The following MAPK10 variants were observed in gnomAD, a reference collection of about 807,000 sequenced individuals.
The protein encoded by MAPK10 is JNK3 alpha protein kinase.
A neutral mutation model predicts 59.3 loss-of-function variants in MAPK10; 25 were observed. The ratio of observed to expected loss-of-function variants is 0.42; its 90% confidence interval spans 0.31 to 0.59. The LOEUF (loss-of-function observed/expected upper bound fraction) is 0.59, where lower values mean the gene tolerates loss of function less well. Among genes scored for constraint, MAPK10 ranks in the 20% least tolerant of loss-of-function variants. MAPK10 has a pLI of 0.15. For synonymous variants in MAPK10, 190 were observed against 200.5 expected (o/e 0.95, Z 0.44); for missense variants, 351 against 568.9 (o/e 0.62, Z 3.90).
chr4:86,244,462 AC>A (rs2148696592), intron 2 of MAPK10, among the ~76,000 whole-genome samples: 1 of 152,362 alleles, frequency 6.6e-6, no homozygotes, highest in African/African-American at 2.4e-5. Context: ...ATCACTGCTC[AC>A]TAACACTTAC....
intron 4 of MAPK10, among the ~76,000 whole-genome samples, chr4:86,133,512 T>A (rs1378412658): frequency 1.3e-5 from 2 of 152,252 alleles, no homozygotes; most frequent in African/African-American, 4.8e-5. Context: ...AACATAAAAA[T>A]TTTTAATGCC....
chr4:86,354,590 A>T lies in MAPK10; in HGVS notation c.-67T>A. On this transcript the variant is annotated 5_prime_UTR_variant, in exon 2 of 14. Transcript: ENST00000641462. ...GTCTAATTCAACAGTTTCTTGCATA[A>T]GTTGCCATAGTGAAGATCTGAGATG... 1 of 1,231,536 alleles carries T rather than the reference A, an allele frequency of 8.1e-7. No homozygotes were observed. The highest frequency in any genetic ancestry group is 1.0e-6 in the Non-Finnish European group (1 of 987,494). 76.3% of individuals were successfully genotyped at this position (1,231,536 alleles called of 1,614,324 possible).
intron 4 of MAPK10, among the ~76,000 whole-genome samples, chr4:86,108,004 C>A (rs571895924): frequency 6.6e-6 from 1 of 152,058 alleles, no homozygotes; most frequent in South Asian, 2.1e-4. Context: ...AACTAAGAAC[C>A]AATTTTTAAG....
At chr4:86,198,538 C>T (rs2081920568) in intron 2 of MAPK10, among the ~76,000 whole-genome samples, 1 of 152,008 alleles carries the variant, frequency 6.6e-6, no homozygotes, top group Non-Finnish European at 1.5e-5. Flanking sequence ...AAGGTAACAT[C>T]TCAGACTCTC....
At chr4:86,187,481 A>G (rs2078530772) in intron 3 of MAPK10, among the ~76,000 whole-genome samples, 1 of 152,034 alleles carries the variant, frequency 6.6e-6, no homozygotes, top group Admixed American at 6.6e-5. Flanking sequence ...ATGAGTTGTT[A>G]TTTCTGGAAT....
intron 2 of MAPK10, among the ~76,000 whole-genome samples, chr4:86,243,131 G>A (rs2092855510): frequency 6.6e-6 from 1 of 152,200 alleles, no homozygotes; most frequent in Non-Finnish European, 1.5e-5. Context: ...CAATTTTGAT[G>A]AGAGAAACTG....
At chr4:86,465,125 G>A (rs1312862508) in intron 1 of MAPK10, among the ~76,000 whole-genome samples, 1 of 152,206 alleles carries the variant, frequency 6.6e-6, no homozygotes, top group Non-Finnish European at 1.5e-5. Flanking sequence ...TTTGGCAAAT[G>A]GATGTCACAC....
At chr4:86,517,077 G>A (rs1441929578) in intron 1 of MAPK10, among the ~76,000 whole-genome samples, 2 of 152,010 alleles carry the variant, frequency 1.3e-5, no homozygotes, top group Non-Finnish European at 2.9e-5. Flanking sequence ...TTACCTTAAG[G>A]TATGTCCCTT....
intron 1 of MAPK10, among the ~76,000 whole-genome samples, chr4:86,527,895 C>A (rs953533566): frequency 1.3e-5 from 2 of 152,148 alleles, no homozygotes; most frequent in Admixed American, 6.5e-5. Flanking sequence ...TGAATTAACA[C>A]AGGAACAGAA....
At chr4:86,575,708 T>C (rs536924649) in intron 1 of MAPK10, among the ~76,000 whole-genome samples, 1 of 151,578 alleles carries the variant, frequency 6.6e-6, no homozygotes, top group East Asian at 2.0e-4. Context: ...ATTGATTACT[T>C]TTTAAATGGT....
intron 1 of MAPK10, among the ~76,000 whole-genome samples, chr4:86,588,440 T>C (rs1178392278): frequency 6.6e-6 from 1 of 152,240 alleles, no homozygotes; most frequent in Non-Finnish European, 1.5e-5. Flanking sequence ...TCTCCATATA[T>C]ATTTATAGAT....
At chr4:86,384,884 G>C (rs1741259414) in intron 1 of MAPK10, among the ~76,000 whole-genome samples, 1 of 151,904 alleles carries the variant, frequency 6.6e-6, no homozygotes, top group Non-Finnish European at 1.5e-5. Flanking sequence ...CTAAACTAGA[G>C]AGAAAAAGGA....
At chr4:86,480,751 G>A (rs1367172742) in intron 1 of MAPK10, among the ~76,000 whole-genome samples, 5 of 152,144 alleles carry the variant, frequency 3.3e-5, no homozygotes. Flanking sequence ...GGTTACAGCT[G>A]TCATTCTTGC....
At chr4:86,389,940 T>A (rs1388714281) in intron 1 of MAPK10, among the ~76,000 whole-genome samples, 1 of 151,702 alleles carries the variant, frequency 6.6e-6, no homozygotes. Flanking sequence ...TCTGCCCCCA[T>A]CTATCCAACT....
intron 2 of MAPK10, among the ~76,000 whole-genome samples, chr4:86,331,440 G>A (rs771076551): frequency 2.6e-5 from 4 of 152,092 alleles, no homozygotes; most frequent in Non-Finnish European, 5.9e-5. Flanking sequence ...GTTCAAGTAT[G>A]AGCATAATTA....
intron 1 of MAPK10, among the ~76,000 whole-genome samples, chr4:86,378,357 A>C (rs751098572): frequency 6.6e-6 from 1 of 152,098 alleles, no homozygotes; most frequent in Non-Finnish European, 1.5e-5. Flanking sequence ...TAACGTGTGC[A>C]TTATTCACAC....
At chr4:86,134,263 G>A (rs1476217881) in intron 4 of MAPK10, among the ~76,000 whole-genome samples, 1 of 152,120 alleles carries the variant, frequency 6.6e-6, no homozygotes, top group Non-Finnish European at 1.5e-5. Context: ...TTAAGTATCT[G>A]TAGCTCTAAT....
chr4:86,343,195 A>G (rs1726056046), intron 2 of MAPK10, among the ~76,000 whole-genome samples: 2 of 152,156 alleles, frequency 1.3e-5, no homozygotes, highest in South Asian at 4.1e-4. Context: ...TGTCTTCCTC[A>G]TGAAGACCTC....
chr4:86,486,942 G>T (rs1003395092), intron 1 of MAPK10, among the ~76,000 whole-genome samples: 1 of 152,114 alleles, frequency 6.6e-6, no homozygotes, highest in African/African-American at 2.4e-5. Flanking sequence ...AGAAAGGCAC[G>T]ATCTGAGCCT....
Sources: gnomAD v4.1 joint callset for allele counts (sites outside exome capture counted in the v4.1 genomes callset) on GRCh38, gnomAD v4.1.1 for gene constraint, MANE v1.5 for transcripts, NCBI Gene and HGNC (gene_info 2026-07-23, HGNC 2026-07-21) for gene names.